SVOPL: variants seen among roughly 807,000 people sequenced by gnomAD.
SVOPL encodes the protein putative transporter SVOPL.
A neutral mutation model predicts 61.0 loss-of-function variants in SVOPL; 60 were observed. That is an observed-to-expected ratio of 0.98 (90% CI 0.80 to 1.22). SVOPL has a LOEUF of 1.22. Ranked by LOEUF, SVOPL falls within the 50% of genes most tolerant of loss-of-function variation. SVOPL has a pLI of 0.00. For synonymous variants in SVOPL, 279 were observed against 250.0 expected (o/e 1.12, Z -1.09); for missense variants, 662 against 643.9 (o/e 1.03, Z -0.30).
chr7:138,622,491 G>GA, intron 13 of SVOPL, among the ~76,000 whole-genome samples: 2 of 128,552 alleles, frequency 1.6e-5, no homozygotes, highest in South Asian at 4.4e-4. Context: ...GGCAGCGGCG[G>GA]GCGGGGGGTC....
chr7:138,689,072 C>G (rs1407408023), intron 1 of SVOPL: 3 of 733,722 alleles, frequency 4.1e-6, no homozygotes, highest in Non-Finnish European at 7.6e-6. Flanking sequence ...ACACTCATGA[C>G]ACTTCCCAGG....
At chr7:138,626,686 T>C (rs935929145) in intron 12 of SVOPL, among the ~76,000 whole-genome samples, 3 of 151,814 alleles carry the variant, frequency 2.0e-5, no homozygotes, top group African/African-American at 7.3e-5. Flanking sequence ...AGTCACCAAA[T>C]TTTTTTTCAA....
At chr7:138,598,802 A>G (rs1000463958) in intron 14 of SVOPL, among the ~76,000 whole-genome samples, 1 of 152,234 alleles carries the variant, frequency 6.6e-6, no homozygotes, top group Non-Finnish European at 1.5e-5. Context: ...ACTTAGGAAT[A>G]AACAAGAAAT....
intron 9 of SVOPL, among the ~76,000 whole-genome samples, chr7:138,638,890 G>A (rs1800636601): frequency 6.6e-6 from 1 of 152,156 alleles, no homozygotes; most frequent in Non-Finnish European, 1.5e-5. Context: ...AGGAGACAAG[G>A]AAAGACATGA....
intron 7 of SVOPL, among the ~76,000 whole-genome samples, chr7:138,654,191 T>TA (rs1801587166): frequency 1.4e-5 from 2 of 144,918 alleles, no homozygotes; most frequent in African/African-American, 5.1e-5. Flanking sequence ...TCAGAAGAAA[T>TA]AAGTCCTGGT....
chr7:138,603,212 A>C (rs1252753827), intron 14 of SVOPL, among the ~76,000 whole-genome samples: 2 of 152,188 alleles, frequency 1.3e-5, no homozygotes, highest in African/African-American at 4.8e-5. Context: ...GTCACATTTG[A>C]CAGTTTACTT....
rs778495192 is a variant in SVOPL at position 138,663,508 on chromosome 7, G to A, written c.274-363C>T. The A allele has an allele frequency of 8.7e-4, 894 of 1,023,104 alleles. 2 individuals carry two copies. Among genetic ancestry groups the A allele is most frequent in the Non-Finnish European group, 1.0e-3 (873 of 854,848 alleles). The allele number at this position is 1,023,104 out of a possible 1,614,324, so 63.4% of individuals were successfully genotyped here. A position where few individuals can be genotyped will look rare whatever the true frequency, so the allele number is the denominator to read the frequency against. Reference sequence around the variant, plus strand: ...TGCCTTATACAGTACACAAATTGGGGCCACTAGAAGCAGTCTCCCTTTATG... The same window carrying A: ...TGCCTTATACAGTACACAAATTGGGACCACTAGAAGCAGTCTCCCTTTATG... On this transcript the variant is annotated intron_variant, in intron 4 of 15. Transcript: ENST00000674285.
chr7:138,634,694 G>A (rs1584810058), intron 9 of SVOPL, among the ~76,000 whole-genome samples: 1 of 130,890 alleles, frequency 7.6e-6, no homozygotes. Context: ...CAGGCATGGT[G>A]GCACATGCCT....
At position 138,698,865 on chromosome 7, in the gene SVOPL, T is replaced by A. The variant is rs1803128810; in HGVS notation, c.-35+2313A>T. Among the ~76,000 whole-genome samples, 3 of 152,118 alleles carry A rather than the reference T, an allele frequency of 2.0e-5. No individual in the cohort carries two copies. In the South Asian group the frequency reaches 6.2e-4, roughly 32 times the overall value. On this transcript the variant is annotated intron_variant, in intron 1 of 15. Coordinates refer to ENST00000674285, the MANE Select transcript of SVOPL (RefSeq NM_001139456.2). ...TACTCAGGAAATGTTTTAACGTATG[T>A]ACAGGCTGGGGGCGGTGGCTCACAC...
At position 138,627,333 on chromosome 7, in the gene SVOPL, A is replaced by C. The variant is rs776969589; in HGVS notation, c.1181+17T>G. On this transcript the variant is annotated intron_variant, in intron 12 of 15. Transcript: ENST00000674285. ...GAAACCACTGCACAAAATCTGAAGC[A>C]ATTAAACAGAAAATACCTTGAAGTG... 2 of 1,587,732 alleles carry C rather than the reference A, an allele frequency of 1.3e-6. No homozygotes were observed. The highest frequency in any genetic ancestry group is 1.7e-6 in the Non-Finnish European group (2 of 1,156,376).
intron 6 of SVOPL, among the ~76,000 whole-genome samples, chr7:138,657,747 G>A (rs1212274839): frequency 2.6e-5 from 4 of 152,222 alleles, no homozygotes; most frequent in South Asian, 2.1e-4. Flanking sequence ...GTATGCCCCA[G>A]GGAAGAACAA....
intron 7 of SVOPL, 102 bp downstream of exon 7, chr7:138,656,346 C>A: frequency 8.6e-7 from 1 of 1,156,144 alleles, no homozygotes; most frequent in Non-Finnish European, 1.3e-6. Flanking sequence ...CGCTTAATTG[C>A]AGCGAGCTGG....
At chr7:138,626,380 C>G (rs917327726) in intron 12 of SVOPL, among the ~76,000 whole-genome samples, 1 of 152,130 alleles carries the variant, frequency 6.6e-6, no homozygotes, top group African/African-American at 2.4e-5. Context: ...GAGTTCAAGA[C>G]TAGCCTCAGC....
At chr7:138,621,914 CTATG>C (rs535528127) in intron 13 of SVOPL, among the ~76,000 whole-genome samples, 4 of 80,958 alleles carry the variant, frequency 4.9e-5, no homozygotes, top group African/African-American at 1.5e-4. Context: ...ATGTATCTAT[CTATG>C]TATCTATCTA....
chr7:138,629,404 TGTA>T (rs970167998), intron 10 of SVOPL, among the ~76,000 whole-genome samples: 1 of 151,936 alleles, frequency 6.6e-6, no homozygotes, highest in African/African-American at 2.4e-5. Context: ...CTAATTTTTT[TGTA>T]TTTTTAGTGG....
At chr7:138,664,780 G>GCTC (rs995156137) in intron 4 of SVOPL, among the ~76,000 whole-genome samples, 1 of 95,910 alleles carries the variant, frequency 1.0e-5, no homozygotes, top group Non-Finnish European at 2.2e-5. Flanking sequence ...CGCTGCTGCT[G>GCTC]CTCACCCCCA....
intron 9 of SVOPL, among the ~76,000 whole-genome samples, chr7:138,634,642 T>G: frequency 6.6e-6 from 1 of 151,506 alleles, no homozygotes; most frequent in East Asian, 2.0e-4. Context: ...AACGAGACCC[T>G]GTCTTTTAAA....
chr7:138,616,484 G>A (rs961549385), intron 14 of SVOPL, among the ~76,000 whole-genome samples: 2 of 151,846 alleles, frequency 1.3e-5, no homozygotes, highest in African/African-American at 4.8e-5. Flanking sequence ...TTACAGGCGC[G>A]CATCAACAAA....
At chr7:138,667,983 T>C (rs1157345846) in intron 4 of SVOPL, among the ~76,000 whole-genome samples, 2 of 152,164 alleles carry the variant, frequency 1.3e-5, no homozygotes, top group Non-Finnish European at 2.9e-5. Flanking sequence ...GATTAGAAAT[T>C]GTGGTTTAGG....
Sources: gnomAD v4.1 joint callset for allele counts (sites outside exome capture counted in the v4.1 genomes callset) on GRCh38, gnomAD v4.1.1 for gene constraint, MANE v1.5 for transcripts, NCBI Gene and HGNC (gene_info 2026-07-23, HGNC 2026-07-21) for gene names.